The following PTPRC variants were observed in gnomAD, a reference collection of about 807,000 sequenced individuals.
PTPRC encodes receptor-type tyrosine-protein phosphatase C.
A neutral mutation model predicts 155.9 loss-of-function variants in PTPRC; 44 were observed. The ratio of observed to expected loss-of-function variants is 0.28; its 90% CI spans 0.22 to 0.36. The LOEUF (loss-of-function observed/expected upper bound fraction) is 0.36. Ranked by LOEUF, PTPRC falls within the 10% of genes least tolerant of loss-of-function variation. The pLI, the probability that PTPRC is intolerant of heterozygous loss-of-function variation, is 1.00. For synonymous variants in PTPRC, 525 were observed against 533.1 expected, an observed-to-expected ratio of 0.98 and a Z score of 0.21; for missense variants, 1,401 against 1,564.6, an observed-to-expected ratio of 0.90 and a Z score of 1.76.
rs772369890 is a variant in PTPRC at position 198,699,579 on chromosome 1, A to T, written c.314A>T (p.Gln105Leu). The T allele has an allele frequency of 6.2e-7, 1 of 1,614,208 alleles. No homozygotes were observed. The highest frequency in any genetic ancestry group is 8.5e-7 in the Non-Finnish European group (1 of 1,180,032). ...CCTACCTTAGGTGTTTCATCAGTAC[A>T]GACGCCTCACCTTCCCACGCACGCA... is the stretch of plus-strand genomic sequence containing the variant. ...AFNTTGVSSV[Q>L]TPHLPTHADS... The change falls in exon 5 of 33, where the codon CAG (glutamine) becomes CTG (leucine). Residue 105 changes from glutamine to leucine, a missense_variant. Physicochemically the swap from Gln to Leu is moderately radical, Grantham distance 113. Transcript: ENST00000442510.
intron 25 of PTPRC, among the ~76,000 whole-genome samples, chr1:198,743,224 G>A (rs1654992308): frequency 6.6e-6 from 1 of 151,778 alleles, no homozygotes; most frequent in African/African-American, 2.4e-5. Flanking sequence ...ATCTAGGTTT[G>A]TGTCTGTCTG....
chr1:198,669,035 A>C (rs1319561815), intron 2 of PTPRC, among the ~76,000 whole-genome samples: 1 of 152,206 alleles, frequency 6.6e-6, no homozygotes, highest in African/African-American at 2.4e-5. Context: ...CCTACAAAAG[A>C]AATGATTTTA....
chr1:198,684,949 G>A (rs1665537216), intron 2 of PTPRC, among the ~76,000 whole-genome samples: 1 of 151,866 alleles, frequency 6.6e-6, no homozygotes, highest in South Asian at 2.1e-4. Flanking sequence ...CTCAATAAAG[G>A]GATGTTGAAA....
intron 11 of PTPRC, among the ~76,000 whole-genome samples, chr1:198,710,609 C>A (rs1364062449): frequency 6.6e-6 from 1 of 152,122 alleles, no homozygotes; most frequent in Admixed American, 6.5e-5. Context: ...AATTTATTTT[C>A]AAAATGTTTT....
At chr1:198,752,008 C>T (rs1322596143) in intron 29 of PTPRC, among the ~76,000 whole-genome samples, 1 of 152,102 alleles carries the variant, frequency 6.6e-6, no homozygotes, top group East Asian at 1.9e-4. Flanking sequence ...GTGTCCCAGT[C>T]ACCTCGATTG....
chr1:198,744,342 C>G, intron 26 of PTPRC, 139 bp downstream of exon 26: 1 of 844,122 alleles, frequency 1.2e-6, no homozygotes, highest in Non-Finnish European at 1.9e-6. Flanking sequence ...GATGAGAAAA[C>G]TAGGACACAG....
intron 10 of PTPRC, 131 bp downstream of exon 10, chr1:198,708,392 T>C: frequency 2.3e-6 from 2 of 852,034 alleles, no homozygotes; most frequent in Non-Finnish European, 3.5e-6. Flanking sequence ...TTGTCTTTTT[T>C]CTTTCTTGTC....
intron 9 of PTPRC, 75 bp from the exon 10 acceptor site, chr1:198,708,058 T>A: frequency 8.7e-6 from 12 of 1,385,258 alleles, no homozygotes; most frequent in Non-Finnish European, 1.2e-5. Context: ...TTAACTGACA[T>A]GTTAGGAATG....
At chr1:198,696,092 G>C (rs905940813) in intron 3 of PTPRC, among the ~76,000 whole-genome samples, 1 of 151,608 alleles carries the variant, frequency 6.6e-6, no homozygotes, top group Non-Finnish European at 1.5e-5. Context: ...CCAGGGAGTC[G>C]GAGGTTGCAG....
At chr1:198,675,845 T>G (rs1208602181) in intron 2 of PTPRC, among the ~76,000 whole-genome samples, 1 of 152,202 alleles carries the variant, frequency 6.6e-6, no homozygotes. Context: ...AAGTAATTTC[T>G]GTTGTATCTA....
At chr1:198,679,933 A>G (rs866294008) in intron 2 of PTPRC, 1 of 613,196 alleles carries the variant, frequency 1.6e-6, no homozygotes, top group Middle Eastern at 4.3e-4. Context: ...CACTTTGCCC[A>G]GCTCGTCCAC....
At chr1:198,737,583 A>C (rs1248855460) in intron 23 of PTPRC, among the ~76,000 whole-genome samples, 1 of 151,750 alleles carries the variant, frequency 6.6e-6, no homozygotes, top group East Asian at 1.9e-4. Context: ...TATAATTTCA[A>C]ATTAGGTATT....
intron 23 of PTPRC, among the ~76,000 whole-genome samples, chr1:198,736,092 T>C (rs1002903202): frequency 6.6e-6 from 1 of 151,546 alleles, no homozygotes; most frequent in Admixed American, 6.6e-5. Context: ...ATGGGGTAAA[T>C]GAGATGTTTT....
intron 11 of PTPRC, among the ~76,000 whole-genome samples, chr1:198,710,059 C>T (rs977653208): frequency 1.3e-5 from 2 of 152,092 alleles, no homozygotes; most frequent in Non-Finnish European, 2.9e-5. Flanking sequence ...ATGTTTTGTT[C>T]TAAAAATTTT....
At chr1:198,742,906 G>A (rs1157496781) in intron 25 of PTPRC, among the ~76,000 whole-genome samples, 1 of 151,522 alleles carries the variant, frequency 6.6e-6, no homozygotes, top group Non-Finnish European at 1.5e-5. Flanking sequence ...ACTTAAACAA[G>A]TCCCTGGCCC....
intron 20 of PTPRC, 93 bp from the exon 21 acceptor site, chr1:198,734,103 G>A: frequency 1.7e-6 from 2 of 1,186,872 alleles, no homozygotes; most frequent in Non-Finnish European, 1.2e-6. Flanking sequence ...CAAAATGATG[G>A]ATCTGAAGCA....
chr1:198,664,122 GT>G (rs1477930416), intron 2 of PTPRC, among the ~76,000 whole-genome samples: 1 of 152,040 alleles, frequency 6.6e-6, no homozygotes, highest in Non-Finnish European at 1.5e-5. Context: ...TATCAAATAA[GT>G]TTATATGTTC....
intron 11 of PTPRC, 53 bp from the exon 12 acceptor site, chr1:198,712,900 C>T (rs1335738196): frequency 1.9e-6 from 3 of 1,539,804 alleles, no homozygotes; most frequent in East Asian, 2.3e-5. Flanking sequence ...ATGAAGAATG[C>T]TTTATCCATG....
chr1:198,696,186 A>ATATG (rs1553237277), intron 3 of PTPRC, among the ~76,000 whole-genome samples: 1 of 150,042 alleles, frequency 6.7e-6, no homozygotes, highest in East Asian at 2.0e-4. Context: ...ATATATATAT[A>ATATG]GATAGATATT....
Sources: allele counts gnomAD v4.1 joint callset (sites outside exome capture counted in the v4.1 genomes callset), GRCh38; gene constraint gnomAD v4.1.1; transcripts MANE v1.5; gene names NCBI Gene and HGNC (gene_info 2026-07-23, HGNC 2026-07-21).